The following YTHDC2 variants were observed in gnomAD, a reference collection of about 807,000 sequenced individuals.
YTHDC2 encodes the protein YTH N6-methyladenosine RNA binding protein C2.
Under a neutral mutation model 174.9 loss-of-function variants are expected in YTHDC2, and 45 were observed. The observed-to-expected ratio is 0.26, with a 90% CI of 0.20 to 0.33. The LOEUF is 0.33. Ranked by LOEUF, YTHDC2 falls within the 10% of genes least tolerant of loss-of-function variation. The pLI is 1.00. For missense variants in YTHDC2, 1,650 were observed against 1,723.7 expected (o/e 0.96, Z 0.76); for synonymous variants, 657 against 574.5 (o/e 1.14, Z -2.05).
rs183553287 is a variant in YTHDC2, at chr5:113,563,831, A to G, written c.2443-28A>G. ...TTTGATTAAACAGTTTGCTCACATC[A>G]AAGTCTGTTCTGTCTCCTTTTACTT... is the stretch of plus-strand genomic sequence containing the variant. On this transcript the variant is annotated intron_variant, in intron 19 of 29. Transcript: ENST00000161863. The G allele has an allele frequency of 4.3e-6, 7 of 1,612,424 alleles. No homozygotes were observed. The African/African-American group carries it at 5.3e-5, about 12-fold the overall frequency.
At chr5:113,549,484 G>T (rs1389043942) in intron 12 of YTHDC2, among the ~76,000 whole-genome samples, 2 of 152,134 alleles carry the variant, frequency 1.3e-5, no homozygotes, top group Non-Finnish European at 2.9e-5. Flanking sequence ...AAACTCCTTA[G>T]AGGCTTGTTC....
At chr5:113,559,634 G>GA (rs1776830866) in intron 17 of YTHDC2, among the ~76,000 whole-genome samples, 2 of 152,198 alleles carry the variant, frequency 1.3e-5, no homozygotes, top group Non-Finnish European at 2.9e-5. Flanking sequence ...AGTTGGTTCA[G>GA]GTTACCCAAT....
intron 25 of YTHDC2, chr5:113,583,313 A>G (rs922705590): frequency 6.6e-6 from 1 of 152,194 alleles, no homozygotes; most frequent in African/African-American, 2.4e-5. Context: ...GTAAGCCAAA[A>G]CAGAAAGGAA....
At chr5:113,520,703 A>G (rs1297556109) in intron 2 of YTHDC2, among the ~76,000 whole-genome samples, 1 of 152,176 alleles carries the variant, frequency 6.6e-6, no homozygotes, top group African/African-American at 2.4e-5. Flanking sequence ...TCTTTCTTAT[A>G]CATTAAATGC....
At chr5:113,590,225 C>T (rs1778934703) in intron 26 of YTHDC2, among the ~76,000 whole-genome samples, 1 of 152,150 alleles carries the variant, frequency 6.6e-6, no homozygotes, top group Non-Finnish European at 1.5e-5. Context: ...TTGTGATGCA[C>T]AGTTTAGTTG....
At chr5:113,536,603 C>T (rs1775091805) in intron 7 of YTHDC2, among the ~76,000 whole-genome samples, 1 of 152,098 alleles carries the variant, frequency 6.6e-6, no homozygotes, top group Non-Finnish European at 1.5e-5. Flanking sequence ...AGAAAAAGTT[C>T]ACAATTGCCC....
At chr5:113,547,551 T>TG (rs1470224313) in intron 10 of YTHDC2, among the ~76,000 whole-genome samples, 1 of 152,096 alleles carries the variant, frequency 6.6e-6, no homozygotes, top group Non-Finnish European at 1.5e-5. Flanking sequence ...TCCACTCTGG[T>TG]GGGGGATGTT....
At chr5:113,515,545 C>G (rs975242049) in intron 2 of YTHDC2, among the ~76,000 whole-genome samples, 183 bp downstream of exon 2, 1 of 152,142 alleles carries the variant, frequency 6.6e-6, no homozygotes, top group Non-Finnish European at 1.5e-5. Context: ...CTCTGTCTAC[C>G]TCTTCCCCCC....
intron 10 of YTHDC2, among the ~76,000 whole-genome samples, chr5:113,546,861 T>G (rs911656173): frequency 6.6e-6 from 1 of 152,230 alleles, no homozygotes; most frequent in Non-Finnish European, 1.5e-5. Context: ...CTCAGTTTGT[T>G]GCTGGCTGTT....
intron 24 of YTHDC2, chr5:113,579,921 T>C (rs1778296597): frequency 2.0e-6 from 2 of 984,998 alleles, no homozygotes; most frequent in Non-Finnish European, 2.4e-6. Flanking sequence ...GCAAGGTAAT[T>C]GTCTTAGTTT....
intron 4 of YTHDC2, among the ~76,000 whole-genome samples, chr5:113,531,441 T>A (rs4438867): frequency 5.3e-5 from 8 of 151,764 alleles, no homozygotes; most frequent in Non-Finnish European, 2.9e-5. Context: ...TGACATTGCC[T>A]ACCTCCTGAG....
chr5:113,588,845 G>A (rs1580657899), intron 26 of YTHDC2, among the ~76,000 whole-genome samples: 2 of 151,342 alleles, frequency 1.3e-5, no homozygotes, highest in Admixed American at 1.3e-4. Flanking sequence ...GGCTGGTCTC[G>A]AACTCCTGAT....
intron 7 of YTHDC2, among the ~76,000 whole-genome samples, chr5:113,538,324 G>A (rs556648834): frequency 3.3e-5 from 5 of 152,088 alleles, no homozygotes; most frequent in Admixed American, 6.5e-5. Flanking sequence ...ATGATGTCAA[G>A]CACTTTACTG....
In YTHDC2 at chr5:113,579,614, T is replaced by C. The variant is rs778203439; in HGVS notation, c.3273T>C (p.Asp1091=). The change falls in exon 24 of 30, where the codon GAT becomes GAC. Residue 1091 remains aspartate, a synonymous_variant. Transcript: ENST00000161863. The stretch of plus-strand genomic sequence containing the variant: ...ATGGCATTCCCAATGACAGTAGTGA[T>C]AGTGAAATGGAGGACAAAACTACAG... ...RVDGIPNDSS[D]SEMEDKTTAN... is the part of the protein sequence containing the mutation. The C allele has an allele frequency of 1.2e-6, 2 of 1,611,000 alleles. No homozygotes were observed. The highest frequency in any genetic ancestry group is 1.3e-5 in the African/African-American group (1 of 74,768).
At position 113,542,456 on chromosome 5, in the gene YTHDC2, A is replaced by G. The variant is rs1310569483; in HGVS notation, c.1448A>G (p.Asp483Gly). 2 of 1,612,590 alleles carry G rather than the reference A, an allele frequency of 1.2e-6. No individual in the cohort carries two copies. Among genetic ancestry groups the G allele is most frequent in the African/African-American group, 1.3e-5 (1 of 74,898 alleles). ...LSDIWLHKDI[D>G]AFAQVFHLIL... ...GATATATGGCTACATAAAGATATTG[A>G]TGCCTTTGCTCAGGTCTTTCATCTC... is the stretch of plus-strand genomic sequence containing the variant. Residue 483 changes from aspartate to glycine, a missense_variant, in exon 10 of 30, where the codon GAT becomes GGT. Transcript: ENST00000161863.
intron 4 of YTHDC2, among the ~76,000 whole-genome samples, chr5:113,529,004 A>G (rs961284903): frequency 2.0e-5 from 3 of 152,012 alleles, no homozygotes; most frequent in Admixed American, 1.3e-4. Context: ...TAGGCTAAGA[A>G]CACATAATTT....
At chr5:113,589,429 A>ATATATATATATATATG (rs1554103546) in intron 26 of YTHDC2, among the ~76,000 whole-genome samples, 1 of 138,296 alleles carries the variant, frequency 7.2e-6, no homozygotes, top group African/African-American at 2.8e-5. Context: ...ATATATATAT[A>ATATATATATATATATG]TATGTATATA....
intron 23 of YTHDC2, among the ~76,000 whole-genome samples, chr5:113,574,943 C>T (rs1027007084): frequency 6.6e-6 from 1 of 152,194 alleles, no homozygotes; most frequent in South Asian, 2.1e-4. Flanking sequence ...CGGGAGGGGT[C>T]ATATAATCAC....
chr5:113,554,515 C>T (rs960069597), intron 16 of YTHDC2, among the ~76,000 whole-genome samples: 1 of 151,878 alleles, frequency 6.6e-6, no homozygotes. Flanking sequence ...TGAAAGAAAG[C>T]AAAGAAATAG....
Sources: gnomAD v4.1 joint callset for allele counts (sites outside exome capture counted in the v4.1 genomes callset) on GRCh38, gnomAD v4.1.1 for gene constraint, MANE v1.5 for transcripts, NCBI Gene and HGNC (gene_info 2026-07-23, HGNC 2026-07-21) for gene names.